The following NGEF variants were observed in gnomAD, a reference collection of about 807,000 sequenced individuals.
NGEF encodes the protein ephexin-1.
In NGEF, 31 loss-of-function variants were observed where a neutral mutation model predicts 80.9. The observed-to-expected ratio is 0.38, with a 90% CI of 0.29 to 0.52. The LOEUF (loss-of-function observed/expected upper bound fraction) is 0.52. Among genes scored for constraint, NGEF ranks in the 20% least tolerant of loss-of-function variants. The pLI is 0.84. For synonymous variants in NGEF, 371 were observed against 370.2 expected (o/e 1.00, Z -0.03); for missense variants, 709 against 926.2 (o/e 0.77, Z 3.04).
intron 3 of NGEF, among the ~76,000 whole-genome samples, chr2:232,945,949 C>T (rs1693547915): frequency 6.6e-6 from 1 of 151,472 alleles, no homozygotes. Context: ...GCACAATTCG[C>T]AATTGGAAAA....
chr2:232,943,743 C>T (rs1693491266), intron 3 of NGEF, among the ~76,000 whole-genome samples: 2 of 151,004 alleles, frequency 1.3e-5, no homozygotes, highest in African/African-American at 4.9e-5. Flanking sequence ...GATCCGCCCG[C>T]CTCAGCCTCC....
intron 14 of NGEF, 125 bp from the exon 15 acceptor site, chr2:232,879,804 A>C: frequency 2.4e-6 from 2 of 827,396 alleles, no homozygotes; most frequent in Non-Finnish European, 3.7e-6. Context: ...CCTTTCCCAA[A>C]AGGCAGCGGC....
intron 5 of NGEF, among the ~76,000 whole-genome samples, chr2:232,907,188 G>GAAAAAAAAAAAAAAAAAAAGAAA (rs10654316): frequency 8.8e-6 from 1 of 113,158 alleles, no homozygotes; most frequent in Non-Finnish European, 1.7e-5. Flanking sequence ...AGAAAAAAAA[G>GAAAAAAAAAAAAAAAAAAAGAAA]AAAAAAAAAA....
At chr2:232,924,459 T>C (rs1693017010) in intron 4 of NGEF, among the ~76,000 whole-genome samples, 1 of 152,108 alleles carries the variant, frequency 6.6e-6, no homozygotes, top group Admixed American at 6.6e-5. Context: ...TAGTATATGG[T>C]ATCTTGTTAC....
Position 232,879,363 on chromosome 2 carries a change from C to G in NGEF, c.*126G>C. 1 of 942,668 alleles carries G rather than the reference C, an allele frequency of 1.1e-6. No individual in the cohort carries two copies. Among genetic ancestry groups the G allele is most frequent in the Non-Finnish European group, 1.6e-6 (1 of 629,558 alleles). The allele number at this position is 942,668 out of a possible 1,614,324, so 58.4% of individuals were successfully genotyped here. ...TCACTGCGTGGGCAGGGATGAGGGC[C>G]GGGCACCCCAAGCCAGATCCTGCCA... is the stretch of plus-strand genomic sequence containing the variant. On this transcript the variant is annotated 3_prime_UTR_variant, in exon 15 of 15. Coordinates refer to ENST00000264051, the MANE Select transcript of NGEF (RefSeq NM_019850.3).
At chr2:232,907,687 A>G (rs1019908895) in intron 5 of NGEF, among the ~76,000 whole-genome samples, 17 of 47,872 alleles carry the variant, frequency 3.6e-4, no homozygotes, top group Non-Finnish European at 6.3e-4. Context: ...CATAAAAGAA[A>G]GTAAAAAAAA....
chr2:232,988,681 GCAT>G (rs1439763166), intron 1 of NGEF, among the ~76,000 whole-genome samples: 3 of 152,210 alleles, frequency 2.0e-5, no homozygotes, highest in Non-Finnish European at 4.4e-5. Flanking sequence ...ACTCACTCCA[GCAT>G]CATCCTGGAG....
At chr2:232,922,436 C>T (rs1354121449) in intron 4 of NGEF, among the ~76,000 whole-genome samples, 2 of 152,228 alleles carry the variant, frequency 1.3e-5, no homozygotes, top group East Asian at 1.9e-4. Flanking sequence ...GCTTAGAGCC[C>T]GTGCTTTTCC....
rs1694262057 is a variant in NGEF, at chr2:232,974,915, G to A, written c.-25C>T. ...TGGAAATAGAGCCAGATGTTTCTCA[G>A]CAGAACGACTGGAGGTCAATGACTT... On this transcript the variant is annotated 5_prime_UTR_variant, in exon 2 of 15. Coordinates refer to ENST00000264051, the MANE Select transcript of NGEF (RefSeq NM_019850.3). 6.2e-7 allele frequency: 1 copy of A among 1,606,232 alleles called. No individual in the cohort carries two copies. The highest frequency in any genetic ancestry group is 1.7e-5 in the Admixed American group (1 of 58,668).
intron 5 of NGEF, among the ~76,000 whole-genome samples, chr2:232,916,212 G>GATAATGTCAGCTT (rs1291133010): frequency 2.0e-5 from 3 of 152,266 alleles, no homozygotes; most frequent in African/African-American, 4.8e-5. Flanking sequence ...ATAAGCCCTT[G>GATAATGTCAGCTT]ATAATGTCAG....
At chr2:232,942,090 C>T (rs753284160) in intron 3 of NGEF, among the ~76,000 whole-genome samples, 5 of 152,192 alleles carry the variant, frequency 3.3e-5, no homozygotes, top group Non-Finnish European at 4.4e-5. Context: ...TTCCTAACAC[C>T]ACAAGCCCTT....
chr2:232,901,996 C>T (rs966262402), intron 5 of NGEF, among the ~76,000 whole-genome samples: 1 of 152,174 alleles, frequency 6.6e-6, no homozygotes, highest in African/African-American at 2.4e-5. Flanking sequence ...GTGTGTGGTA[C>T]GGGGATCACC....
intron 5 of NGEF, among the ~76,000 whole-genome samples, chr2:232,907,183 A>G (rs1260794632): frequency 2.3e-5 from 2 of 87,414 alleles, no homozygotes; most frequent in Non-Finnish European, 4.8e-5. Context: ...AGAAAAGAAA[A>G]AAAAGAAAAA....
At chr2:232,951,808 C>G (rs989498183) in intron 3 of NGEF, among the ~76,000 whole-genome samples, 1 of 152,192 alleles carries the variant, frequency 6.6e-6, no homozygotes, top group African/African-American at 2.4e-5. Context: ...GGTTCTTGTA[C>G]TGCATGCAGA....
At chr2:232,994,073 A>G (rs1694727335) in intron 1 of NGEF, among the ~76,000 whole-genome samples, 1 of 152,214 alleles carries the variant, frequency 6.6e-6, no homozygotes, top group Non-Finnish European at 1.5e-5. Flanking sequence ...ATTTATCCCA[A>G]TAAAATTGAT....
chr2:232,888,003 G>A, intron 9 of NGEF, 30 bp downstream of exon 9: 1 of 1,572,582 alleles, frequency 6.4e-7, no homozygotes, highest in Non-Finnish European at 8.8e-7. Context: ...CAGTGCATTG[G>A]GATACAGCAC....
chr2:232,952,765 C>T (rs1329417671), intron 3 of NGEF, among the ~76,000 whole-genome samples: 5 of 149,400 alleles, frequency 3.3e-5, no homozygotes, highest in East Asian at 4.0e-4. Context: ...GTCAGGAGTT[C>T]GAGACCAGCC....
chr2:232,885,245 A>G, intron 10 of NGEF, 35 bp downstream of exon 10: 1 of 1,582,950 alleles, frequency 6.3e-7, no homozygotes, highest in Non-Finnish European at 8.7e-7. Flanking sequence ...GGGCCTGTGC[A>G]TGGGCACAGG....
At chr2:232,901,524 G>A (rs769444133) in intron 5 of NGEF, 11 of 828,686 alleles carry the variant, frequency 1.3e-5, no homozygotes, top group African/African-American at 3.7e-5. Context: ...TGCGTCACCA[G>A]GGTGACATCT....
Sources: allele counts gnomAD v4.1 joint callset (sites outside exome capture counted in the v4.1 genomes callset), GRCh38; gene constraint gnomAD v4.1.1; transcripts MANE v1.5; gene names NCBI Gene and HGNC (gene_info 2026-07-23, HGNC 2026-07-21).